The following FAM13A variants were observed in gnomAD, a reference collection of about 807,000 sequenced individuals.
FAM13A encodes protein FAM13A.
In FAM13A, 76 loss-of-function variants were observed where a neutral mutation model predicts 129.6. The ratio of observed to expected loss-of-function variants is 0.59; its 90% confidence interval spans 0.49 to 0.71. The LOEUF is 0.71. FAM13A is among the 30% of genes least tolerant of loss of function. FAM13A has a pLI of 0.00. For synonymous variants in FAM13A, 443 were observed against 449.9 expected (o/e 0.98, Z 0.20); for missense variants, 1,108 against 1,249.3 (o/e 0.89, Z 1.70).
At chr4:88,974,375 GA>G (rs2148961777) in intron 4 of FAM13A, among the ~76,000 whole-genome samples, 1 of 152,296 alleles carries the variant, frequency 6.6e-6, no homozygotes, top group East Asian at 1.9e-4. Flanking sequence ...AAGTGTTGTT[GA>G]TTTTTCAGTT....
At chr4:88,959,841 G>A (rs1758343774) in intron 4 of FAM13A, among the ~76,000 whole-genome samples, 1 of 152,162 alleles carries the variant, frequency 6.6e-6, no homozygotes, top group East Asian at 1.9e-4. Flanking sequence ...GGCGGTAAGG[G>A]GGTGAGGGGA....
chr4:89,052,250 CTTTCT>C (rs1187546938), intron 1 of FAM13A, among the ~76,000 whole-genome samples: 12 of 101,274 alleles, frequency 1.2e-4, no homozygotes, highest in African/African-American at 5.3e-4. Flanking sequence ...CTGGGCAGCG[CTTTCT>C]TTTTTTTTTT....
At chr4:88,778,381 C>A (rs1273926487) in intron 11 of FAM13A, among the ~76,000 whole-genome samples, 1 of 152,120 alleles carries the variant, frequency 6.6e-6, no homozygotes, top group Non-Finnish European at 1.5e-5. Flanking sequence ...GCTTTCATAC[C>A]CCACATTGAA....
intron 4 of FAM13A, among the ~76,000 whole-genome samples, chr4:88,961,345 G>GC (rs1560548885): frequency 5.0e-5 from 4 of 79,508 alleles, no homozygotes; most frequent in Non-Finnish European, 1.0e-4. Flanking sequence ...TGTGGAATTT[G>GC]CCTTTTTTTT....
At chr4:88,739,807 A>AAG (rs1739843538) in intron 19 of FAM13A, among the ~76,000 whole-genome samples, 1 of 150,490 alleles carries the variant, frequency 6.6e-6, no homozygotes, top group Non-Finnish European at 1.5e-5. Flanking sequence ...AAAAAAAAAA[A>AAG]TACATATCAT....
chr4:88,987,386 T>C (rs571906660), intron 4 of FAM13A, among the ~76,000 whole-genome samples: 18 of 152,298 alleles, frequency 1.2e-4, no homozygotes, highest in African/African-American at 4.1e-4. Flanking sequence ...AATGAATTAC[T>C]TGCTAACTGC....
intron 4 of FAM13A, among the ~76,000 whole-genome samples, chr4:88,980,357 A>G (rs1207443242): frequency 6.6e-6 from 1 of 152,206 alleles, no homozygotes; most frequent in Non-Finnish European, 1.5e-5. Flanking sequence ...GGCCATGAGC[A>G]TATGTTACTT....
At position 88,878,117 on chromosome 4, in the gene FAM13A, G is replaced by A. The variant is rs868579274; in HGVS notation, c.844-26934C>T. Among the ~76,000 whole-genome samples the A allele has an allele frequency of 3.7e-4, 56 of 151,792 alleles. 1 individual carries two copies. Among genetic ancestry groups the A allele is most frequent in the African/African-American group, 1.3e-3 (54 of 41,400 alleles). Reference sequence around the variant, plus strand: ...ATCCTGGCTAACACGGTGAAACCCCGTCTCTACTAAAAAATACAAAAAATT... The same window carrying A: ...ATCCTGGCTAACACGGTGAAACCCCATCTCTACTAAAAAATACAAAAAATT... On this transcript the variant is annotated intron_variant, in intron 6 of 23. Coordinates refer to ENST00000264344, the MANE Select transcript of FAM13A (RefSeq NM_014883.4).
chr4:88,917,216 G>A (rs768803145), intron 5 of FAM13A, among the ~76,000 whole-genome samples: 5 of 152,196 alleles, frequency 3.3e-5, no homozygotes, highest in Non-Finnish European at 7.3e-5. Flanking sequence ...TCTGCATATG[G>A]TGAGTGCCTC....
At chr4:88,915,083 G>A (rs186074619) in intron 5 of FAM13A, among the ~76,000 whole-genome samples, 8 of 152,300 alleles carry the variant, frequency 5.3e-5, no homozygotes, top group Admixed American at 2.6e-4. Context: ...ACAAATTGAA[G>A]TAGCAAAGGC....
intron 4 of FAM13A, among the ~76,000 whole-genome samples, chr4:88,959,516 G>T (rs990711694): frequency 6.6e-6 from 1 of 152,220 alleles, no homozygotes; most frequent in African/African-American, 2.4e-5. Flanking sequence ...GCAATGTGAT[G>T]TGCCTGCTCC....
chr4:88,863,124 G>A (rs1348845673), intron 6 of FAM13A, among the ~76,000 whole-genome samples: 1 of 152,048 alleles, frequency 6.6e-6, no homozygotes, highest in African/African-American at 2.4e-5. Flanking sequence ...GCTGAAAACT[G>A]CTAGAGAGCT....
chr4:88,732,915 T>A (rs563480645), intron 21 of FAM13A, among the ~76,000 whole-genome samples: 2 of 151,456 alleles, frequency 1.3e-5, no homozygotes, highest in East Asian at 3.9e-4. Context: ...TAAAGCCAAA[T>A]CAGCATTTCT....
intron 4 of FAM13A, among the ~76,000 whole-genome samples, chr4:88,957,400 C>T (rs912968970): frequency 6.6e-6 from 1 of 152,168 alleles, no homozygotes; most frequent in African/African-American, 2.4e-5. Flanking sequence ...TCCAGGTAAG[C>T]TTCCTGAGGC....
rs552915376 is a variant in FAM13A at position 88,740,193 on chromosome 4, T to C, written c.2467-1068A>G. Among the ~76,000 whole-genome samples the C allele has an allele frequency of 4.6e-5, 7 of 152,362 alleles. No homozygotes were observed. The East Asian group carries it at 1.3e-3, about 29-fold the overall frequency. On this transcript the variant is annotated intron_variant, in intron 19 of 23. Transcript: ENST00000264344. ...AATTCCAGATGAAGAGCCACTTCTC[T>C]GTGCAGCCTTCTTCCAACATCCCCC...
chr4:88,788,311 T>G (rs973137251), intron 9 of FAM13A, among the ~76,000 whole-genome samples: 26 of 152,146 alleles, frequency 1.7e-4, no homozygotes, highest in African/African-American at 6.0e-4. Context: ...CAAAGGCAAT[T>G]TCATACCAAT....
intron 5 of FAM13A, among the ~76,000 whole-genome samples, chr4:88,920,556 G>A (rs62310497): frequency 0.015 from 2,289 of 152,158 alleles, 29 homozygotes; most frequent in Non-Finnish European, 0.026. Flanking sequence ...TCTGTACATC[G>A]CCATCATCAA....
intron 5 of FAM13A, among the ~76,000 whole-genome samples, chr4:88,920,714 G>A (rs1041087529): frequency 1.3e-5 from 2 of 152,192 alleles, no homozygotes; most frequent in Non-Finnish European, 2.9e-5. Context: ...CAACTTTGAC[G>A]AGTTGAGAGA....
intron 5 of FAM13A, chr4:88,936,733 T>C (rs1310602330): frequency 6.6e-6 from 1 of 152,214 alleles, no homozygotes; most frequent in Non-Finnish European, 1.5e-5. Flanking sequence ...CAGGTTCACC[T>C]TATTATTTTA....
Sources: gnomAD v4.1 joint callset for allele counts (sites outside exome capture counted in the v4.1 genomes callset) on GRCh38, gnomAD v4.1.1 for gene constraint, MANE v1.5 for transcripts, NCBI Gene and HGNC (gene_info 2026-07-23, HGNC 2026-07-21) for gene names.